Variants in LUC7L2 observed in about 807,000 individuals in gnomAD.
LUC7L2 encodes putative RNA-binding protein Luc7-like 2.
A neutral mutation model predicts 52.8 loss-of-function variants in LUC7L2; 25 were observed. That is an observed-to-expected ratio of 0.47 (90% confidence interval 0.34 to 0.66). LUC7L2 has a LOEUF of 0.66. Among genes scored for constraint, LUC7L2 ranks in the 30% least tolerant of loss-of-function variants. LUC7L2 has a pLI of 0.01. For missense variants in LUC7L2, 328 were observed against 497.8 expected, an observed-to-expected ratio of 0.66 and a Z score of 3.25; for synonymous variants, 144 against 160.9, an observed-to-expected ratio of 0.89 and a Z score of 0.80.
intron 2 of LUC7L2, among the ~76,000 whole-genome samples, chr7:139,378,850 T>G (rs992983804): frequency 1.3e-5 from 2 of 152,220 alleles, no homozygotes; most frequent in African/African-American, 2.4e-5. Context: ...TACGTGGTCC[T>G]CAAAACTCTG....
At chr7:139,413,587 G>A (rs912501893) in intron 8 of LUC7L2, among the ~76,000 whole-genome samples, 5 of 152,274 alleles carry the variant, frequency 3.3e-5, no homozygotes, top group African/African-American at 9.6e-5. Context: ...AGACCAGCCT[G>A]GCCAACATGG....
intron 5 of LUC7L2, among the ~76,000 whole-genome samples, chr7:139,406,688 T>C (rs1024237786): frequency 1.3e-5 from 2 of 152,260 alleles, no homozygotes; most frequent in Middle Eastern, 3.4e-3. Context: ...TAAAATACTT[T>C]TGGTAAATTT....
At chr7:139,363,189 G>A in intron 1 of LUC7L2, 1 of 985,322 alleles carries the variant, frequency 1.0e-6, no homozygotes, top group Non-Finnish European at 1.2e-6. Flanking sequence ...CCTGGTGGTG[G>A]CAACCGCCTG....
intron 1 of LUC7L2, among the ~76,000 whole-genome samples, chr7:139,354,659 G>A (rs968277151): frequency 6.6e-6 from 1 of 152,220 alleles, no homozygotes. Context: ...ACTATACCCT[G>A]CCAGCATTTG....
At chr7:139,405,265 A>T (rs555330160) in intron 4 of LUC7L2, among the ~76,000 whole-genome samples, 9 of 152,346 alleles carry the variant, frequency 5.9e-5, no homozygotes, top group African/African-American at 2.2e-4. Context: ...ATGCAAAGTA[A>T]CAGAGGTAGA....
intron 1 of LUC7L2, among the ~76,000 whole-genome samples, chr7:139,370,473 T>A (rs1318098943): frequency 6.6e-6 from 1 of 152,152 alleles, no homozygotes; most frequent in Non-Finnish European, 1.5e-5. Flanking sequence ...GTTTGTTTGG[T>A]TTGAGACAGA....
intron 7 of LUC7L2, among the ~76,000 whole-genome samples, chr7:139,410,082 C>G (rs958106160): frequency 2.2e-4 from 33 of 152,182 alleles, no homozygotes; most frequent in African/African-American, 7.2e-4. Flanking sequence ...TGGCGGGCGC[C>G]TGTAGTCCCA....
rs2131173520 is a variant in LUC7L2 at position 139,360,180 on chromosome 7, C to T, written c.-82C>T. On this transcript the variant is annotated 5_prime_UTR_variant, in exon 1 of 10. Coordinates refer to ENST00000354926, the MANE Select transcript of LUC7L2 (RefSeq NM_016019.5). ...CCACCGAGACAGCAGCGCACCTTCC[C>T]CCATCCCTTCCCCTTATCCCCCAGC... is the stretch of plus-strand genomic sequence containing the variant. 9.2e-7 allele frequency: 1 copy of T among 1,084,332 alleles called. No individual in the cohort carries two copies. The highest frequency in any genetic ancestry group is 1.3e-6 in the Non-Finnish European group (1 of 745,816). The allele number at this position is 1,084,332 out of a possible 1,614,324, so 67.2% of individuals were successfully genotyped here. A position where few individuals can be genotyped will look rare whatever the true frequency, so the allele number is the denominator to read the frequency against.
At chr7:139,364,308 T>TA (rs1800033516) in intron 1 of LUC7L2, among the ~76,000 whole-genome samples, 1 of 152,100 alleles carries the variant, frequency 6.6e-6, no homozygotes, top group African/African-American at 2.4e-5. Context: ...CTGTATCTCT[T>TA]AATTGCTTAT....
chr7:139,354,113 G>GAA (rs112772374), intron 1 of LUC7L2, among the ~76,000 whole-genome samples: 3,051 of 147,910 alleles, frequency 0.021, 46 homozygotes, highest in Middle Eastern at 0.046. Context: ...CTCGGTCTCA[G>GAA]AAAAAAAAAA....
chr7:139,406,583 A>G (rs934710516), intron 5 of LUC7L2, among the ~76,000 whole-genome samples: 4 of 151,510 alleles, frequency 2.6e-5, no homozygotes, highest in Non-Finnish European at 5.9e-5. Flanking sequence ...TGAACTCCTG[A>G]CCTGGGGTGA....
chr7:139,367,564 T>G (rs10271297), intron 1 of LUC7L2, among the ~76,000 whole-genome samples: 23 of 152,196 alleles, frequency 1.5e-4, no homozygotes, highest in African/African-American at 4.3e-4. Context: ...TTAAAATGTC[T>G]TGTTGGCAAA....
chr7:139,369,135 T>G (rs771256978), intron 1 of LUC7L2, among the ~76,000 whole-genome samples: 2 of 152,212 alleles, frequency 1.3e-5, no homozygotes, highest in Non-Finnish European at 2.9e-5. Flanking sequence ...AGCTATTGCT[T>G]GATAGCCAAA....
intron 1 of LUC7L2, chr7:139,371,552 G>GT: frequency 1.4e-6 from 1 of 723,562 alleles, no homozygotes. Context: ...GAGAGGGTGG[G>GT]TAGTACTGGG....
chr7:139,413,572 G>T (rs1795461684), intron 8 of LUC7L2, among the ~76,000 whole-genome samples: 1 of 152,226 alleles, frequency 6.6e-6, no homozygotes, highest in Non-Finnish European at 1.5e-5. Context: ...GAAGTCAGGA[G>T]TTCGAGACCA....
At position 139,347,038 on chromosome 7, in the gene LUC7L2, C is replaced by T. The variant is rs559916580; in HGVS notation, c.-26+6521C>T. Reference sequence around the variant, plus strand: ...AATAGTCTCCTAAAGGGTCTATTTGCTTCTTATATCCTTATTTCCTCAAAA... The same window carrying T: ...AATAGTCTCCTAAAGGGTCTATTTGTTTCTTATATCCTTATTTCCTCAAAA... On this transcript the variant is annotated intron_variant, in intron 1 of 10. Coordinates refer to the LUC7L2 transcript ENST00000541170. 9.2e-5 allele frequency among the ~76,000 whole-genome samples: 14 copies of T among 152,284 alleles called. No homozygotes were observed. The South Asian group carries it at 2.9e-3, about 32-fold the overall frequency.
chr7:139,356,375 A>C (rs979932111), upstream of LUC7L2, among the ~76,000 whole-genome samples: 1 of 151,630 alleles, frequency 6.6e-6, no homozygotes, highest in South Asian at 2.1e-4. Context: ...AGCTAATAAA[A>C]ATATCCATTT....
chr7:139,400,066 T>C (rs552607066), intron 3 of LUC7L2, among the ~76,000 whole-genome samples: 22 of 152,340 alleles, frequency 1.4e-4, no homozygotes, highest in Non-Finnish European at 4.4e-5. Context: ...TTTCTGCTAA[T>C]GGAAATGAAA....
intron 2 of LUC7L2, chr7:139,392,435 A>G: frequency 5.1e-6 from 2 of 392,406 alleles, no homozygotes; most frequent in South Asian, 1.9e-5. Flanking sequence ...TTTGTTAGTA[A>G]AACAATATAA....
Sources: gnomAD v4.1 joint callset for allele counts (sites outside exome capture counted in the v4.1 genomes callset) on GRCh38, gnomAD v4.1.1 for gene constraint, MANE v1.5 for transcripts, NCBI Gene and HGNC (gene_info 2026-07-23, HGNC 2026-07-21) for gene names.